Variants in PCLO observed in about 807,000 individuals in gnomAD.
PCLO encodes protein piccolo.
In PCLO, 82 loss-of-function variants were observed where a neutral mutation model predicts 427.5. The observed-to-expected ratio is 0.19, with a 90% CI of 0.16 to 0.23. The LOEUF is 0.23. PCLO is among the 10% of genes least tolerant of loss of function. The pLI, the probability that PCLO is intolerant of heterozygous loss-of-function variation, is 1.00. For missense variants in PCLO, 6,239 were observed against 6,115.9 expected (o/e 1.02, Z -0.67); for synonymous variants, 2,357 against 2,155.4 (o/e 1.09, Z -2.59).
rs1562815816 is a variant in PCLO at position 82,847,341 on chromosome 7, A to AACTC, written c.13655-98_13655-95dup. On this transcript the variant is annotated intron_variant, in intron 10 of 24. Coordinates refer to ENST00000333891, the MANE Select transcript of PCLO (RefSeq NM_033026.6). ...AGACATTTATTTGCATTTAGAAGTC[A>AACTC]ACTCAGCACACCATTTTAGAGAACA... is the stretch of plus-strand genomic sequence containing the variant. The AACTC allele has an allele frequency of 4.5e-6, 3 of 660,150 alleles. No homozygotes were observed. The Admixed American group carries it at 7.8e-5, about 17-fold the overall frequency. 40.9% of individuals were successfully genotyped at this position (660,150 alleles called of 1,614,324 possible). A position where few individuals can be genotyped will look rare whatever the true frequency, so the allele number is the denominator to read the frequency against.
intron 3 of PCLO, among the ~76,000 whole-genome samples, chr7:83,123,485 T>C (rs1374325598): frequency 6.6e-6 from 1 of 152,094 alleles, no homozygotes; most frequent in Non-Finnish European, 1.5e-5. Context: ...TAAAATTGAT[T>C]AAAGAATTAA....
chr7:83,068,856 A>G (rs1312901203), intron 3 of PCLO, among the ~76,000 whole-genome samples: 2 of 152,206 alleles, frequency 1.3e-5, no homozygotes, highest in Admixed American at 1.3e-4. Flanking sequence ...CACAATAGCC[A>G]AGACATGGAA....
Position 82,965,788 on chromosome 7 carries a change from G to C in PCLO, c.4000C>G (p.Pro1334Ala). ...TAACTTACTGTTTTTTCTTTCCCAG[G>C]TTCCACCTGATCAGGTTTTGCTGTG... ...PCTAKPDQVE[P>A]GKEKTEKEDD... is the part of the protein sequence containing the mutation. The change falls in exon 4 of 25, where the codon CCT (proline) becomes GCT (alanine). Residue 1334 changes from proline to alanine, a missense_variant. Physicochemically the swap from Pro to Ala is conservative, Grantham distance 27 (BLOSUM62 -1). Transcript: ENST00000333891. 6.2e-7 allele frequency: 1 copy of C among 1,600,210 alleles called. No homozygotes were observed. Among genetic ancestry groups the C allele is most frequent in the Non-Finnish European group, 8.5e-7 (1 of 1,175,140 alleles).
intron 9 of PCLO, chr7:82,880,269 T>C (rs1475273575): frequency 3.9e-6 from 1 of 258,404 alleles, no homozygotes; most frequent in African/African-American, 2.2e-5. Flanking sequence ...CATTGTTGCA[T>C]ATATGGCTCA....
chr7:83,162,382 C>A lies in PCLO; in HGVS notation c.211G>T (p.Val71Phe). 1.9e-6 allele frequency: 3 copies of A among 1,600,290 alleles called. No homozygotes were observed. The highest frequency in any genetic ancestry group is 2.6e-6 in the Non-Finnish European group (3 of 1,173,348). The change falls in exon 1 of 25, where the codon GTC becomes TTC. Residue 71 changes from valine (V) to phenylalanine (F), a missense_variant. Coordinates refer to ENST00000333891, the MANE Select transcript of PCLO (RefSeq NM_033026.6). ...SRAQGLPKGS[V>F]PPAAAESPSM... ...GGCGACTCCGCAGCGGCCGGGGGGA[C>A]GCTTCCCTTGGGCAGCCCCTGCGCC... is the stretch of plus-strand genomic sequence containing the variant.
chr7:82,949,935 TTTAA>T lies in PCLO; in HGVS notation c.10649_10652del (p.Ile3550AsnfsTer15). 1 of 1,613,734 alleles carries T rather than the reference TTTAA, an allele frequency of 6.2e-7. No individual in the cohort carries two copies. The highest frequency in any genetic ancestry group is 8.5e-7 in the Non-Finnish European group (1 of 1,179,850). ...AAGTCTTTTCAGGTGCTGAAATGTG[TTTAA>T]TTATTTCTACCTTGGCATCCACTCG... On this transcript the variant is annotated frameshift_variant, in exon 6 of 25. Coordinates refer to ENST00000333891, the MANE Select transcript of PCLO (RefSeq NM_033026.6). LOFTEE classifies it high-confidence loss of function.
chr7:82,981,868 A>C (rs565395748), intron 3 of PCLO, among the ~76,000 whole-genome samples: 1 of 152,270 alleles, frequency 6.6e-6, no homozygotes, highest in South Asian at 2.1e-4. Flanking sequence ...GTTTATTTGT[A>C]GGTGTCATTT....
Position 83,162,766 on chromosome 7 carries a change from C to T in PCLO, c.-174G>A. On this transcript the variant is annotated 5_prime_UTR_variant, in exon 1 of 25. Coordinates refer to ENST00000333891, the MANE Select transcript of PCLO (RefSeq NM_033026.6). Reference sequence around the variant, plus strand: ...CGGAACGCCAGGCAGGGGTTAGTCCCGCTCGCAGGTAACGCCCGCTGCCGG... The same window carrying T: ...CGGAACGCCAGGCAGGGGTTAGTCCTGCTCGCAGGTAACGCCCGCTGCCGG... 2.5e-6 allele frequency: 2 copies of T among 790,424 alleles called. No individual in the cohort carries two copies. The highest frequency in any genetic ancestry group is 3.8e-6 in the Non-Finnish European group (2 of 519,536). The allele number at this position is 790,424 out of a possible 1,614,324, so 49.0% of individuals were successfully genotyped here. A position where few individuals can be genotyped will look rare whatever the true frequency, so the allele number is the denominator to read the frequency against.
At chr7:83,055,544 A>T (rs1448054237) in intron 3 of PCLO, among the ~76,000 whole-genome samples, 1 of 152,068 alleles carries the variant, frequency 6.6e-6, no homozygotes, top group Non-Finnish European at 1.5e-5. Context: ...TCAGTTAGAC[A>T]CTGTTTGGAT....
At chr7:83,015,971 G>A (rs1450231104) in intron 3 of PCLO, among the ~76,000 whole-genome samples, 1 of 116,120 alleles carries the variant, frequency 8.6e-6, no homozygotes, top group Non-Finnish European at 1.7e-5. Context: ...ACAGATTCTT[G>A]TGTCTATTTC....
chr7:83,029,682 T>C (rs1481013112), intron 3 of PCLO, among the ~76,000 whole-genome samples: 215 of 124,486 alleles, frequency 1.7e-3, no homozygotes, highest in Non-Finnish European at 2.4e-3. Context: ...TGCGGCATTA[T>C]TCACAATAGC....
rs1264526423 is a variant in PCLO at position 82,953,673 on chromosome 7, A to G, written c.7280T>C (p.Leu2427Pro). 4 of 992,274 alleles carry G rather than the reference A, an allele frequency of 4.0e-6. No homozygotes were observed. Among genetic ancestry groups the G allele is most frequent in the Non-Finnish European group, 5.4e-6 (4 of 741,276 alleles). 61.5% of individuals were successfully genotyped at this position (992,274 alleles called of 1,614,324 possible). ...TGGTTTAGGTGAAGTTGGTGGAGGA[A>G]GTGGTGGGGGAGGAGGGGGTGGTGG... is the stretch of plus-strand genomic sequence containing the variant. ...PPPPPPPPPP[L>P]PPPTSPKPTI... The change falls in exon 5 of 25, where the codon CTT (leucine) becomes CCT (proline). Residue 2427 changes from leucine (L) to proline (P), a missense_variant. Leu to Pro is a moderately conservative substitution (Grantham distance 98, BLOSUM62 -3). Transcript: ENST00000333891.
At chr7:83,157,870 A>G (rs2116699002) in intron 1 of PCLO, among the ~76,000 whole-genome samples, 1 of 152,200 alleles carries the variant, frequency 6.6e-6, no homozygotes, top group East Asian at 1.9e-4. Flanking sequence ...ATCAGAATAA[A>G]GATTTATAGG....
chr7:82,850,672 C>CATAT (rs1340240239), intron 10 of PCLO, among the ~76,000 whole-genome samples: 11 of 152,162 alleles, frequency 7.2e-5, no homozygotes, highest in African/African-American at 2.4e-4. Flanking sequence ...TACATCCAAA[C>CATAT]ATATGCCACA....
intron 20 of PCLO, among the ~76,000 whole-genome samples, chr7:82,813,564 T>C (rs992858060): frequency 2.0e-5 from 3 of 151,870 alleles, no homozygotes; most frequent in African/African-American, 7.2e-5. Context: ...TTCTGACTCT[T>C]CATAATTTTT....
intron 3 of PCLO, among the ~76,000 whole-genome samples, chr7:83,042,495 G>T (rs1562935290): frequency 6.6e-6 from 1 of 152,134 alleles, no homozygotes; most frequent in East Asian, 1.9e-4. Context: ...GCTCTTGACA[G>T]ATGATCTAGT....
At chr7:83,074,122 A>T (rs1215385276) in intron 3 of PCLO, among the ~76,000 whole-genome samples, 1 of 152,040 alleles carries the variant, frequency 6.6e-6, no homozygotes, top group Non-Finnish European at 1.5e-5. Flanking sequence ...ATTTCAAGAC[A>T]ACTCATTATT....
chr7:83,146,962 G>T (rs1157359307), intron 2 of PCLO, among the ~76,000 whole-genome samples: 1 of 151,270 alleles, frequency 6.6e-6, no homozygotes, highest in Non-Finnish European at 1.5e-5. Flanking sequence ...TTCCTATCAA[G>T]CTACTAATAT....
intron 14 of PCLO, among the ~76,000 whole-genome samples, chr7:82,839,003 C>T (rs1211353674): frequency 6.6e-6 from 1 of 151,970 alleles, no homozygotes; most frequent in Non-Finnish European, 1.5e-5. Context: ...GGCTGCTGCA[C>T]AATTGTGGCT....
Sources: allele counts gnomAD v4.1 joint callset (sites outside exome capture counted in the v4.1 genomes callset), GRCh38; gene constraint gnomAD v4.1.1; transcripts MANE v1.5; gene names NCBI Gene and HGNC (gene_info 2026-07-23, HGNC 2026-07-21).